The following PPARGC1A variants were observed in gnomAD, a reference collection of about 807,000 sequenced individuals.
The protein encoded by PPARGC1A is peroxisome proliferator-activated receptor gamma coactivator 1-alpha.
PPARGC1A carries 25 observed loss-of-function variants against 88.7 expected under a neutral mutation model. The ratio of observed to expected loss-of-function variants is 0.28; its 90% confidence interval spans 0.21 to 0.39. PPARGC1A has a LOEUF of 0.39. Ranked by LOEUF, PPARGC1A falls within the 10% of genes least tolerant of loss-of-function variation. The pLI is 1.00. For synonymous variants in PPARGC1A, 363 were observed against 355.6 expected (o/e 1.02, Z -0.24); for missense variants, 880 against 968.7 (o/e 0.91, Z 1.22).
chr4:23,835,520 G>A (rs2148574997), intron 2 of PPARGC1A, among the ~76,000 whole-genome samples: 1 of 151,138 alleles, frequency 6.6e-6, no homozygotes, highest in East Asian at 2.0e-4. Flanking sequence ...GAGTATGTGG[G>A]TAGTAAGGGC....
At chr4:24,195,799 G>A in the PPARGC1A span, among the ~76,000 whole-genome samples, 115 of 152,036 alleles carry the variant, frequency 7.6e-4, 1 homozygote, top group East Asian at 0.019. Flanking sequence ...GATACTCTAG[G>A]ATTTATAGCA....
the PPARGC1A span, among the ~76,000 whole-genome samples, chr4:24,247,125 G>T: frequency 6.6e-6 from 1 of 152,036 alleles, no homozygotes; most frequent in Non-Finnish European, 1.5e-5. Context: ...CACTGTATTT[G>T]AAATAAACTA....
the PPARGC1A span, among the ~76,000 whole-genome samples, chr4:23,973,135 C>G: frequency 6.6e-6 from 1 of 152,078 alleles, no homozygotes; most frequent in South Asian, 2.1e-4. Flanking sequence ...CACTTCTTAC[C>G]CAGCATTTTT....
At chr4:23,951,581 C>T in the PPARGC1A span, among the ~76,000 whole-genome samples, 1 of 152,094 alleles carries the variant, frequency 6.6e-6, no homozygotes, top group African/African-American at 2.4e-5. Context: ...AAGAAAATGT[C>T]CATTACCCAA....
At chr4:24,185,543 C>T in the PPARGC1A span, among the ~76,000 whole-genome samples, 1 of 152,170 alleles carries the variant, frequency 6.6e-6, no homozygotes, top group Admixed American at 6.5e-5. Flanking sequence ...GTATTTCTCC[C>T]CTCACCAGTA....
At chr4:23,863,407 G>T (rs539593823) in intron 2 of PPARGC1A, among the ~76,000 whole-genome samples, 1 of 151,804 alleles carries the variant, frequency 6.6e-6, no homozygotes, top group Non-Finnish European at 1.5e-5. Flanking sequence ...CACATGCCTG[G>T]GCCTCAGTTT....
chr4:24,089,618 C>A, the PPARGC1A span, among the ~76,000 whole-genome samples: 1 of 151,018 alleles, frequency 6.6e-6, no homozygotes, highest in East Asian at 2.0e-4. Context: ...TCACGCCATT[C>A]TCGTGTCTCA....
the PPARGC1A span, among the ~76,000 whole-genome samples, chr4:24,408,949 T>A: frequency 6.6e-6 from 1 of 152,228 alleles, no homozygotes; most frequent in Non-Finnish European, 1.5e-5. Context: ...GATGTGTTCT[T>A]AAAGATTTAT....
chr4:24,147,449 C>T, the PPARGC1A span, among the ~76,000 whole-genome samples: 3 of 152,294 alleles, frequency 2.0e-5, no homozygotes, highest in East Asian at 5.8e-4. Flanking sequence ...TATATCCTTT[C>T]CCACTCGGCT....
the PPARGC1A span, among the ~76,000 whole-genome samples, chr4:24,171,931 T>A: frequency 9.2e-5 from 14 of 152,190 alleles, no homozygotes; most frequent in Non-Finnish European, 1.5e-5. Flanking sequence ...AAAGGTCACT[T>A]CTTATTTATC....
the PPARGC1A span, among the ~76,000 whole-genome samples, chr4:24,035,753 CA>C: frequency 6.6e-6 from 1 of 151,924 alleles, no homozygotes; most frequent in Admixed American, 6.6e-5. Context: ...TTTATTAAGA[CA>C]AAGGTAACTG....
At chr4:24,181,375 T>C in the PPARGC1A span, among the ~76,000 whole-genome samples, 1 of 152,320 alleles carries the variant, frequency 6.6e-6, no homozygotes, top group South Asian at 2.1e-4. Flanking sequence ...TTCCCACGAA[T>C]AGATAGGATA....
chr4:24,123,876 T>A, the PPARGC1A span, among the ~76,000 whole-genome samples: 5 of 147,002 alleles, frequency 3.4e-5, no homozygotes, highest in Admixed American at 3.5e-4. Flanking sequence ...TTCATGCCTT[T>A]GCTAAGCTTG....
At chr4:24,344,262 C>G in the PPARGC1A span, among the ~76,000 whole-genome samples, 1 of 152,114 alleles carries the variant, frequency 6.6e-6, no homozygotes. Context: ...TGGGTAGATA[C>G]CCAGTAGTGG....
chr4:23,872,177 TA>T (rs1713518551), intron 2 of PPARGC1A, among the ~76,000 whole-genome samples: 1 of 152,068 alleles, frequency 6.6e-6, no homozygotes, highest in African/African-American at 2.4e-5. Context: ...TCAACAGACC[TA>T]AAATGGTACC....
the PPARGC1A span, among the ~76,000 whole-genome samples, chr4:24,419,284 A>G: frequency 6.6e-6 from 1 of 151,136 alleles, no homozygotes; most frequent in South Asian, 2.1e-4. Flanking sequence ...CTGCTCAGAA[A>G]CCACGGAAGT....
At chr4:24,125,272 G>A in the PPARGC1A span, among the ~76,000 whole-genome samples, 1 of 152,014 alleles carries the variant, frequency 6.6e-6, no homozygotes, top group African/African-American at 2.4e-5. Flanking sequence ...AACTTGCCAG[G>A]TCCTCCCCCA....
At chr4:23,923,928 G>A in the PPARGC1A span, among the ~76,000 whole-genome samples, 1 of 152,138 alleles carries the variant, frequency 6.6e-6, no homozygotes, top group South Asian at 2.1e-4. Context: ...CAGAGTACAA[G>A]GAGAAATCAT....
the PPARGC1A span, among the ~76,000 whole-genome samples, chr4:24,273,108 A>T: frequency 1.3e-5 from 2 of 152,200 alleles, no homozygotes; most frequent in African/African-American, 2.4e-5. Flanking sequence ...CATCTCTTGC[A>T]TCGTTTAAAG....
Sources: allele counts gnomAD v4.1 joint callset (sites outside exome capture counted in the v4.1 genomes callset), GRCh38; gene constraint gnomAD v4.1.1; transcripts MANE v1.5; gene names NCBI Gene and HGNC (gene_info 2026-07-23, HGNC 2026-07-21).